The following RBFOX1 variants were observed in gnomAD, a reference collection of about 807,000 sequenced individuals.
The protein encoded by RBFOX1 is RNA binding fox-1 homolog 1, also known as RNA binding protein fox-1 homolog 1.
In RBFOX1, 8 loss-of-function variants were observed where a neutral mutation model predicts 57.7. The ratio of observed to expected loss-of-function variants is 0.14; its 90% CI spans 0.08 to 0.25. The LOEUF is 0.25. Ranked by LOEUF, RBFOX1 falls within the 10% of genes least tolerant of loss-of-function variation. RBFOX1 has a pLI of 1.00. For synonymous variants in RBFOX1, 326 were observed against 222.4 expected (o/e 1.47, Z -4.15); for missense variants, 611 against 548.5 (o/e 1.11, Z -1.14).
intron 1 of RBFOX1, chr16:6,038,529 G>C: frequency 1.1e-5 from 1 of 94,776 alleles, no homozygotes; most frequent in East Asian, 3.1e-4. Flanking sequence ...TATATCCGTG[G>C]AGATATATAT....
chr16:6,122,861 A>G (rs1398283652), intron 1 of RBFOX1, among the ~76,000 whole-genome samples: 2 of 151,164 alleles, frequency 1.3e-5, no homozygotes, highest in Non-Finnish European at 2.9e-5. Context: ...TAAAGCACCA[A>G]AGTTACTGCC....
intron 4 of RBFOX1, among the ~76,000 whole-genome samples, chr16:7,062,893 ATTTTTTTTTTTTTTTTTTTTT>A (rs1170936027): frequency 2.1e-5 from 1 of 47,256 alleles, no homozygotes; most frequent in Non-Finnish European, 3.8e-5. Flanking sequence ...AATGATCGCC[ATTTTTTTTTTTTTTTTTTTTT>A]TTTTTTTTTT....
chr16:5,730,314 C>T (rs1288123634), intron 3 of RBFOX1, among the ~76,000 whole-genome samples: 1 of 152,136 alleles, frequency 6.6e-6, no homozygotes, highest in Non-Finnish European at 1.5e-5. Context: ...TACAGCTTCT[C>T]ATGCCTGAGA....
At chr16:5,742,637 C>T (rs1051126673) in intron 3 of RBFOX1, among the ~76,000 whole-genome samples, 2 of 152,138 alleles carry the variant, frequency 1.3e-5, no homozygotes, top group Admixed American at 6.6e-5. Context: ...AAGCTTTAGG[C>T]AATTAATGCT....
At chr16:5,497,581 A>T (rs2043042209) in intron 2 of RBFOX1, among the ~76,000 whole-genome samples, 3 of 148,054 alleles carry the variant, frequency 2.0e-5, no homozygotes. Context: ...GTTCAAGACC[A>T]GCTTGGCCAA....
At chr16:5,839,334 G>C (rs2056553786) in intron 3 of RBFOX1, among the ~76,000 whole-genome samples, 1 of 152,082 alleles carries the variant, frequency 6.6e-6, no homozygotes, top group South Asian at 2.1e-4. Flanking sequence ...AACTGGGAGG[G>C]AACTGATAGT....
At chr16:6,481,393 G>T (rs887494) in intron 2 of RBFOX1, among the ~76,000 whole-genome samples, 3 of 152,042 alleles carry the variant, frequency 2.0e-5, no homozygotes, top group African/African-American at 7.2e-5. Context: ...AGGTTGTCAC[G>T]CTCTGTGATT....
chr16:6,151,809 G>A (rs1452337282), intron 1 of RBFOX1, among the ~76,000 whole-genome samples: 1 of 152,196 alleles, frequency 6.6e-6, no homozygotes, highest in African/African-American at 2.4e-5. Context: ...CCTGTATTAA[G>A]TAGTAAGGGG....
chr16:6,969,990 C>T (rs986525536), intron 3 of RBFOX1, among the ~76,000 whole-genome samples: 3 of 151,968 alleles, frequency 2.0e-5, no homozygotes, highest in African/African-American at 7.2e-5. Context: ...AAAGTCCTTA[C>T]AAGCCTGGGC....
chr16:5,699,225 A>G (rs1025672050), intron 3 of RBFOX1, among the ~76,000 whole-genome samples: 8 of 151,916 alleles, frequency 5.3e-5, no homozygotes, highest in Non-Finnish European at 8.8e-5. Context: ...TGACCTCGTG[A>G]TACATCTGCC....
chr16:7,577,305 AG>A (rs2152819308), intron 5 of RBFOX1, among the ~76,000 whole-genome samples: 1 of 152,214 alleles, frequency 6.6e-6, no homozygotes, highest in African/African-American at 2.4e-5. Context: ...CCTTTGATCT[AG>A]CCCCTTGACT....
At chr16:7,138,325 G>T (rs1446887458) in intron 4 of RBFOX1, among the ~76,000 whole-genome samples, 1 of 152,148 alleles carries the variant, frequency 6.6e-6, no homozygotes, top group Non-Finnish European at 1.5e-5. Flanking sequence ...CATTAAATAA[G>T]ACCAAGGGTT....
rs74004453 is a variant in RBFOX1, at chr16:5,643,616, A to G, written c.318+44655A>G. Among the ~76,000 whole-genome samples, 413 of 152,314 alleles carry G rather than the reference A, an allele frequency of 2.7e-3. 1 individual carries two copies. Among genetic ancestry groups the G allele is most frequent in the African/African-American group, 9.2e-3 (382 of 41,572 alleles). The stretch of plus-strand genomic sequence containing the variant: ...GAGTCATAGCAAGGTATTTTTAGGT[A>G]CAGAGTCTTCCTGCAGCATTTAAAT... On this transcript the variant is annotated intron_variant, in intron 3 of 19. Transcript: ENST00000641259.
chr16:7,267,531 A>G (rs60515415), intron 4 of RBFOX1, among the ~76,000 whole-genome samples: 10,651 of 149,300 alleles, frequency 0.071, 1,261 homozygotes, highest in African/African-American at 0.25. Flanking sequence ...GTGAGACTCT[A>G]TCTCGACAAA....
intron 3 of RBFOX1, among the ~76,000 whole-genome samples, chr16:6,911,876 CA>C (rs2071705575): frequency 1.3e-5 from 2 of 152,092 alleles, no homozygotes; most frequent in East Asian, 3.9e-4. Flanking sequence ...TTAACTATAT[CA>C]TAGTACAGGT....
At chr16:5,678,131 T>G (rs7187806) in intron 3 of RBFOX1, among the ~76,000 whole-genome samples, 2 of 152,150 alleles carry the variant, frequency 1.3e-5, no homozygotes, top group South Asian at 2.1e-4. Flanking sequence ...CTGCTTTCCT[T>G]TCTTCTCTTC....
At chr16:5,937,154 T>C (rs949642215) in intron 4 of RBFOX1, among the ~76,000 whole-genome samples, 1 of 152,166 alleles carries the variant, frequency 6.6e-6, no homozygotes, top group Admixed American at 6.5e-5. Context: ...TAATCCTGCT[T>C]TTTGCTGTGT....
At chr16:6,655,950 T>C (rs983556200) in intron 3 of RBFOX1, among the ~76,000 whole-genome samples, 1 of 152,202 alleles carries the variant, frequency 6.6e-6, no homozygotes. Context: ...TTAGGGAGTG[T>C]TAATCTCCTC....
At chr16:5,844,771 C>T (rs776861488) in intron 3 of RBFOX1, among the ~76,000 whole-genome samples, 19 of 152,144 alleles carry the variant, frequency 1.2e-4, no homozygotes, top group African/African-American at 3.6e-4. Context: ...GGGCACATTG[C>T]GACTTTGATT....
Sources: allele counts gnomAD v4.1 joint callset (sites outside exome capture counted in the v4.1 genomes callset), GRCh38; gene constraint gnomAD v4.1.1; transcripts MANE v1.5; gene names NCBI Gene and HGNC (gene_info 2026-07-23, HGNC 2026-07-21).